The following PLXNA2 variants were observed in gnomAD, a reference collection of about 807,000 sequenced individuals.
PLXNA2 encodes the protein plexin A2.
In PLXNA2, 91 loss-of-function variants were observed where a neutral mutation model predicts 193.5. The observed-to-expected ratio is 0.47, with a 90% CI of 0.40 to 0.56. The LOEUF is 0.56. Among genes scored for constraint, PLXNA2 ranks in the 20% least tolerant of loss-of-function variants. The probability of loss-of-function intolerance (pLI) is 0.00; values close to 1 mark genes in which losing one functional copy is unlikely to be tolerated. For synonymous variants in PLXNA2, 997 were observed against 1,027.3 expected (o/e 0.97, Z 0.56); for missense variants, 1,995 against 2,503.2 (o/e 0.80, Z 4.33).
chr1:208,168,580 T>C (rs143966426), intron 3 of PLXNA2, among the ~76,000 whole-genome samples: 139 of 152,264 alleles, frequency 9.1e-4, no homozygotes, highest in Admixed American at 2.0e-3. Flanking sequence ...CTTAAGTGCA[T>C]TGCTCAAGGC....
chr1:208,033,288 C>T, intron 28 of PLXNA2, 31 bp downstream of exon 28: 2 of 1,581,242 alleles, frequency 1.3e-6, no homozygotes, highest in Non-Finnish European at 1.7e-6. Flanking sequence ...CTTTAACAAG[C>T]ACTCCCTGGT....
At position 208,038,485 on chromosome 1, in the gene PLXNA2, G is replaced by C; in HGVS notation, c.4661-11C>G. On this transcript the variant is annotated splice_polypyrimidine_tract_variant and intron_variant, in intron 25 of 31. Coordinates refer to ENST00000367033, the MANE Select transcript of PLXNA2 (RefSeq NM_025179.4). The surrounding 1 kb of genome is among the most constrained non-coding windows in gnomAD (Gnocchi z 4.1). ...GGCCTTGGCGCCACTCTGGGTGGAGGGGGTGGTGCAGGGAGCGGCGTGAGA... is the reference window on the plus strand; with the variant it reads ...GGCCTTGGCGCCACTCTGGGTGGAGCGGGTGGTGCAGGGAGCGGCGTGAGA... 1 of 1,607,186 alleles carries C rather than the reference G, an allele frequency of 6.2e-7. No homozygotes were observed. The highest frequency in any genetic ancestry group is 1.1e-5 in the South Asian group (1 of 90,942).
intron 3 of PLXNA2, among the ~76,000 whole-genome samples, chr1:208,200,718 C>A (rs1670522847): frequency 6.6e-6 from 1 of 151,942 alleles, no homozygotes; most frequent in Non-Finnish European, 1.5e-5. Context: ...CCTGCCTCAG[C>A]CTCCTTAGTA....
chr1:208,058,427 G>A (rs1397460545), intron 13 of PLXNA2, among the ~76,000 whole-genome samples: 2 of 152,184 alleles, frequency 1.3e-5, no homozygotes, highest in East Asian at 1.9e-4. Context: ...CCGTGCTGGC[G>A]AATCCTGCCC....
At chr1:208,039,589 A>T in intron 24 of PLXNA2, 32 bp downstream of exon 24, 1 of 1,611,948 alleles carries the variant, frequency 6.2e-7, no homozygotes, top group Non-Finnish European at 8.5e-7. Context: ...TAGAAGATAC[A>T]CAGGCGGGCC....
chr1:208,197,130 C>G (rs1670386369), intron 3 of PLXNA2, among the ~76,000 whole-genome samples: 1 of 152,142 alleles, frequency 6.6e-6, no homozygotes, highest in African/African-American at 2.4e-5. Context: ...TGAACTCAAA[C>G]CATTGTCTTA....
chr1:208,109,320 C>G (rs1421627757), intron 4 of PLXNA2, among the ~76,000 whole-genome samples: 2 of 152,168 alleles, frequency 1.3e-5, no homozygotes, highest in Non-Finnish European at 2.9e-5. Flanking sequence ...AGGCCCACCC[C>G]TTCACCCCTT....
At chr1:208,227,990 G>T (rs1177724922) in intron 1 of PLXNA2, among the ~76,000 whole-genome samples, 1 of 152,038 alleles carries the variant, frequency 6.6e-6, no homozygotes, top group African/African-American at 2.4e-5. Context: ...GGAGAAAAAA[G>T]GAGGAACAAT....
At chr1:208,139,876 G>T (rs1462985581) in intron 4 of PLXNA2, among the ~76,000 whole-genome samples, 1 of 152,142 alleles carries the variant, frequency 6.6e-6, no homozygotes, top group East Asian at 1.9e-4. Flanking sequence ...CCCTGGTGAA[G>T]TCACCTGGCT....
chr1:208,098,485 CACACACAT>C (rs1408745639), intron 6 of PLXNA2, among the ~76,000 whole-genome samples: 2 of 151,796 alleles, frequency 1.3e-5, no homozygotes, highest in Admixed American at 6.6e-5. Flanking sequence ...CACACACACA[CACACACAT>C]GCAACTCACA....
In PLXNA2 at chr1:208,027,172, C is replaced by T. The variant is rs1411289972; in HGVS notation, c.*71G>A. On this transcript the variant is annotated 3_prime_UTR_variant, in exon 32 of 32. Coordinates refer to ENST00000367033, the MANE Select transcript of PLXNA2 (RefSeq NM_025179.4). ...CTGGGGCCTGATCCCCATCACTTGT[C>T]CTTCCATCTGAGACTCCCAGTGTGA... is the stretch of plus-strand genomic sequence containing the variant. 8 of 1,328,144 alleles carry T rather than the reference C, an allele frequency of 6.0e-6. No homozygotes were observed. The highest frequency in any genetic ancestry group is 1.4e-5 in the African/African-American group (1 of 69,606). 82.3% of individuals were successfully genotyped at this position (1,328,144 alleles called of 1,614,324 possible).
At chr1:208,215,534 TGAAGGGATGGAG>T (rs113737048) in intron 2 of PLXNA2, among the ~76,000 whole-genome samples, 9,453 of 151,140 alleles carry the variant, frequency 0.063, 399 homozygotes, top group East Asian at 0.15. Context: ...AAGAGATGGA[TGAAGGGATGGAG>T]GAAGGGATGG....
chr1:208,042,900 C>T (rs916253561), intron 21 of PLXNA2, among the ~76,000 whole-genome samples, 161 bp downstream of exon 21: 5 of 152,220 alleles, frequency 3.3e-5, no homozygotes, highest in East Asian at 1.9e-4. Context: ...CCCCCTCAGC[C>T]GTAACCTTCC....
intron 9 of PLXNA2, among the ~76,000 whole-genome samples, chr1:208,086,737 C>G (rs969163365): frequency 2.0e-5 from 3 of 147,290 alleles, no homozygotes; most frequent in Admixed American, 6.8e-5. Context: ...ACTGCACTTT[C>G]ACTTTCATTC....
chr1:208,155,784 C>T (rs913904581), intron 3 of PLXNA2, among the ~76,000 whole-genome samples: 1 of 152,122 alleles, frequency 6.6e-6, no homozygotes, highest in African/African-American at 2.4e-5. Context: ...ATGCTGGGCT[C>T]CAGCTGTCAC....
intron 3 of PLXNA2, among the ~76,000 whole-genome samples, chr1:208,194,559 C>T (rs747265585): frequency 2.0e-5 from 3 of 151,454 alleles, no homozygotes; most frequent in Non-Finnish European, 2.9e-5. Flanking sequence ...TTTAAATGCA[C>T]GCCACTTTCA....
rs184358108 is a variant in PLXNA2 at position 208,210,457 on chromosome 1, G to T, written c.1194C>A (p.Val398=). 2 of 1,611,196 alleles carry T rather than the reference G, an allele frequency of 1.2e-6. No individual in the cohort carries two copies. The highest frequency in any genetic ancestry group is 3.3e-5 in the Admixed American group (2 of 59,886). The stretch of plus-strand genomic sequence containing the variant: ...GTCCACAGAAGTTATCATCGATGGG[G>T]ACAGGCTGGAGGGAAGCGGAAGGAA... ...GKDVQCTKAP[V]PIDDNFCGLD... is the part of the protein sequence containing the mutation. The change falls in exon 3 of 32, where the codon GTC becomes GTA. Residue 398 remains valine, a synonymous_variant. Coordinates refer to ENST00000367033, the MANE Select transcript of PLXNA2 (RefSeq NM_025179.4).
chr1:208,173,537 C>T (rs540886832), intron 3 of PLXNA2, among the ~76,000 whole-genome samples: 7 of 152,346 alleles, frequency 4.6e-5, no homozygotes, highest in South Asian at 2.1e-4. Flanking sequence ...AGCTAGCACA[C>T]GGCCAAGCAG....
At chr1:208,243,218 C>T (rs1672119388) in intron 1 of PLXNA2, among the ~76,000 whole-genome samples, 2 of 152,176 alleles carry the variant, frequency 1.3e-5, no homozygotes, top group African/African-American at 4.8e-5. Flanking sequence ...GATCGCTGGC[C>T]AGTGTGGCTT....
Sources: allele counts gnomAD v4.1 joint callset (sites outside exome capture counted in the v4.1 genomes callset), GRCh38; gene constraint gnomAD v4.1.1; non-coding constraint Gnocchi (gnomAD v3.1); transcripts MANE v1.5; gene names NCBI Gene and HGNC (gene_info 2026-07-23, HGNC 2026-07-21).